Variants in SLMAP observed in about 807,000 individuals in gnomAD.
The protein encoded by SLMAP is sarcolemmal membrane-associated protein.
Under a neutral mutation model 128.8 loss-of-function variants are expected in SLMAP, and 44 were observed. The observed-to-expected ratio is 0.34, with a 90% CI of 0.27 to 0.44. The LOEUF (loss-of-function observed/expected upper bound fraction) is 0.44. SLMAP is among the 20% of genes least tolerant of loss of function. The pLI is 1.00. For missense variants in SLMAP, 787 were observed against 985.3 expected, an observed-to-expected ratio of 0.80 and a Z score of 2.69; for synonymous variants, 327 against 348.8, an observed-to-expected ratio of 0.94 and a Z score of 0.70.
Position 57,778,899 on chromosome 3 carries a change from A to T in SLMAP, c.198+21050A>T, listed in dbSNP as rs1196468555. 2.0e-5 allele frequency among the ~76,000 whole-genome samples: 3 copies of T among 152,244 alleles called. No homozygotes were observed. In the South Asian group the frequency reaches 6.2e-4, roughly 32 times the overall value. Reference sequence around the variant, plus strand: ...TGACAAACAGTGTGACATGGTTACAATGCTGAATTTCTGTATATCTATTGA... The same window carrying T: ...TGACAAACAGTGTGACATGGTTACATTGCTGAATTTCTGTATATCTATTGA... On this transcript the variant is annotated intron_variant, in intron 2 of 24. Coordinates refer to ENST00000671191, the MANE Select transcript of SLMAP (RefSeq NM_001377540.1).
intron 2 of SLMAP, among the ~76,000 whole-genome samples, chr3:57,775,535 A>G (rs1466280552): frequency 1.3e-5 from 2 of 149,156 alleles, no homozygotes; most frequent in South Asian, 2.1e-4. Flanking sequence ...AAAAAAAAAA[A>G]AAAGAGCCGG....
intron 6 of SLMAP, among the ~76,000 whole-genome samples, chr3:57,856,092 C>T (rs1242171447): frequency 6.6e-6 from 1 of 151,806 alleles, no homozygotes; most frequent in Non-Finnish European, 1.5e-5. Context: ...GTGTGTCTGC[C>T]TCCTAGCTAT....
intron 2 of SLMAP, among the ~76,000 whole-genome samples, chr3:57,779,892 G>A (rs1266917548): frequency 2.6e-5 from 4 of 152,036 alleles, no homozygotes; most frequent in Non-Finnish European, 5.9e-5. Flanking sequence ...TTGCCATGAT[G>A]GAAGGGGCAG....
At chr3:57,812,406 GTCTAT>G (rs2091146635) in intron 2 of SLMAP, among the ~76,000 whole-genome samples, 1 of 152,086 alleles carries the variant, frequency 6.6e-6, no homozygotes, top group African/African-American at 2.4e-5. Context: ...TTTCTGGACT[GTCTAT>G]TCTATTCATA....
intron 15 of SLMAP, chr3:57,896,246 G>A: frequency 8.8e-7 from 1 of 1,138,678 alleles, no homozygotes; most frequent in Non-Finnish European, 1.1e-6. Context: ...TTTGTTTCCA[G>A]TTGGCAAGTG....
chr3:57,903,566 T>C (rs570825251), intron 17 of SLMAP, among the ~76,000 whole-genome samples: 9 of 152,332 alleles, frequency 5.9e-5, no homozygotes, highest in East Asian at 3.9e-4. Context: ...AGTCACTCTT[T>C]TGAAGATATT....
chr3:57,858,155 C>G lies in SLMAP; in HGVS notation c.683C>G (p.Ser228Cys), dbSNP rs780000982. 6.4e-7 allele frequency: 1 copy of G among 1,570,580 alleles called. No homozygotes were observed. The highest frequency in any genetic ancestry group is 2.2e-5 in the East Asian group (1 of 44,546). The stretch of plus-strand genomic sequence containing the variant: ...ATGGGAAACCAATTACAGGCATGCT[C>G]CAAAGTAGGTATTAACCTCAAATGT... ...EVMGNQLQACSKNQTEDSLRK... is the reference protein window; with the variant it reads ...EVMGNQLQACCKNQTEDSLRK... Residue 228 changes from serine (S) to cysteine (C), a missense_variant, in exon 8 of 25, where the codon TCC (serine) becomes TGC (cysteine). By Grantham distance (112) the Ser-to-Cys change is moderately radical. Around this residue, in one of 2 missense-constraint regions of SLMAP, gnomAD observed 715 missense variants for 843.6 expected, o/e 0.85. Coordinates refer to ENST00000671191, the MANE Select transcript of SLMAP (RefSeq NM_001377540.1).
At chr3:57,833,936 A>G (rs2093488004) in intron 3 of SLMAP, among the ~76,000 whole-genome samples, 1 of 152,138 alleles carries the variant, frequency 6.6e-6, no homozygotes, top group African/African-American at 2.4e-5. Flanking sequence ...TACCAGAAAA[A>G]AAGTATTGAT....
chr3:57,788,989 A>G (rs1034675357), intron 2 of SLMAP, among the ~76,000 whole-genome samples: 1 of 152,140 alleles, frequency 6.6e-6, no homozygotes, highest in Non-Finnish European at 1.5e-5. Flanking sequence ...GTTTTTCTCC[A>G]GTTTTAATTG....
chr3:57,869,369 G>C (rs866433553), intron 13 of SLMAP, among the ~76,000 whole-genome samples: 3 of 150,848 alleles, frequency 2.0e-5, no homozygotes, highest in Middle Eastern at 6.8e-3. Context: ...ATCTCCTTTG[G>C]CAACAACCTC....
intron 2 of SLMAP, among the ~76,000 whole-genome samples, chr3:57,770,981 G>C (rs944523863): frequency 2.0e-5 from 3 of 151,982 alleles, no homozygotes; most frequent in African/African-American, 7.2e-5. Flanking sequence ...TAATCAATTT[G>C]CTCCAAAATT....
intron 14 of SLMAP, among the ~76,000 whole-genome samples, chr3:57,875,414 C>G (rs1007841837): frequency 6.6e-5 from 10 of 152,160 alleles, no homozygotes; most frequent in Non-Finnish European, 1.3e-4. Flanking sequence ...ACTCAGGAGT[C>G]TGAAGCAGGA....
rs1425750996 is a variant in SLMAP, at chr3:57,849,790, C to T, written c.493C>T (p.Leu165=). ...CACTCCAAGTATGTACTCTCAGGAACTATTCCAGCTTTCTCAGTATCTACA... is the reference window on the plus strand; with the variant it reads ...CACTCCAAGTATGTACTCTCAGGAATTATTCCAGCTTTCTCAGTATCTACA... The part of the protein sequence containing the change: ...ANTPSMYSQE[L]FQLSQYLQEA... Residue 165 remains leucine (L), a synonymous_variant, in exon 6 of 25, where the codon CTA becomes TTA. Transcript: ENST00000671191. The T allele has an allele frequency of 8.3e-6, 13 of 1,572,982 alleles. No individual in the cohort carries two copies. The highest frequency in any genetic ancestry group is 1.1e-5 in the Non-Finnish European group (13 of 1,142,668).
At chr3:57,906,315 T>TTTTTTTTTTTTTG (rs2096556473) in intron 17 of SLMAP, among the ~76,000 whole-genome samples, 1 of 117,776 alleles carries the variant, frequency 8.5e-6, no homozygotes, top group African/African-American at 3.2e-5. Context: ...TTTTTCTTTT[T>TTTTTTTTTTTTTG]TTTTTTTTTT....
intron 14 of SLMAP, among the ~76,000 whole-genome samples, chr3:57,877,027 G>A (rs936975525): frequency 2.0e-5 from 3 of 151,894 alleles, no homozygotes; most frequent in African/African-American, 7.3e-5. Flanking sequence ...TAGACCTCAT[G>A]CCTTTGTATT....
chr3:57,875,638 C>T (rs1041263953), intron 14 of SLMAP, among the ~76,000 whole-genome samples: 1 of 152,192 alleles, frequency 6.6e-6, no homozygotes, highest in Non-Finnish European at 1.5e-5. Flanking sequence ...GAGAGGCCTA[C>T]TATTGAAATC....
Position 57,864,655 on chromosome 3 carries a change from A to G in SLMAP, c.1074A>G (p.Ala358=). 6.3e-7 allele frequency: 1 copy of G among 1,599,328 alleles called. No homozygotes were observed. Among genetic ancestry groups the G allele is most frequent in the East Asian group, 2.2e-5 (1 of 44,646 alleles). Reference sequence around the variant, plus strand: ...AAGAAAAAGAACAGGAGCTCCAGGCAAAAATAGAAGCTTTGCAAGCTGATA... The same window carrying G: ...AAGAAAAAGAACAGGAGCTCCAGGCGAAAATAGAAGCTTTGCAAGCTGATA... The part of the protein sequence containing the change: ...EMEEKEQELQ[A]KIEALQADND... The change falls in exon 11 of 25, where the codon GCA becomes GCG. Residue 358 remains alanine, a synonymous_variant. Transcript: ENST00000671191.
chr3:57,841,474 G>A, intron 4 of SLMAP, 103 bp downstream of exon 4: 1 of 520,170 alleles, frequency 1.9e-6, no homozygotes, highest in Non-Finnish European at 3.4e-6. Flanking sequence ...CCTGCTTCAG[G>A]ACTATTTAAA....
chr3:57,886,104 T>C (rs1366395571), intron 14 of SLMAP, among the ~76,000 whole-genome samples: 1 of 123,436 alleles, frequency 8.1e-6, no homozygotes, highest in Non-Finnish European at 1.7e-5. Flanking sequence ...TTTAAAGATA[T>C]AATTTTTTTT....
Sources: gnomAD v4.1 joint callset for allele counts (sites outside exome capture counted in the v4.1 genomes callset) on GRCh38, gnomAD v4.1.1 for gene constraint, gnomAD v4.1.1 regional missense constraint, MANE v1.5 for transcripts, NCBI Gene and HGNC (gene_info 2026-07-23, HGNC 2026-07-21) for gene names.